Variants in TMEM87B observed in about 807,000 individuals in gnomAD.
TMEM87B encodes transmembrane protein 87B.
A neutral mutation model predicts 80.3 loss-of-function variants in TMEM87B; 83 were observed. The ratio of observed to expected loss-of-function variants is 1.03; its 90% confidence interval spans 0.87 to 1.24. The LOEUF is 1.24. Among genes scored for constraint, TMEM87B ranks in the 50% most tolerant of loss-of-function variants. The pLI is 0.00. For synonymous variants in TMEM87B, 219 were observed against 230.5 expected (o/e 0.95, Z 0.45); for missense variants, 625 against 674.4 (o/e 0.93, Z 0.81).
chr2:112,070,713 A>C (rs559329457), intron 4 of TMEM87B, among the ~76,000 whole-genome samples: 1 of 152,310 alleles, frequency 6.6e-6, no homozygotes, highest in African/African-American at 2.4e-5. Context: ...TTTGTGAAGA[A>C]TGTCATTGGT....
At chr2:112,090,370 CATTGGTTG>C (rs1471024274) in intron 10 of TMEM87B, among the ~76,000 whole-genome samples, 5 of 144,630 alleles carry the variant, frequency 3.5e-5, no homozygotes, top group African/African-American at 7.9e-5. Flanking sequence ...TTGGTTGTCT[CATTGGTTG>C]ATTGGTTGGT....
At chr2:112,089,601 T>C (rs542137327) in intron 9 of TMEM87B, 24 bp from the exon 10 acceptor site, 6 of 1,611,916 alleles carry the variant, frequency 3.7e-6, no homozygotes, top group Non-Finnish European at 5.1e-6. Context: ...TTCTTCTTTC[T>C]CTGTTTCCTC....
rs191338022 is a variant in TMEM87B, at chr2:112,119,212, G to T, written c.*3069G>T. 169 of 152,246 alleles carry T rather than the reference G, an allele frequency of 1.1e-3. 2 individuals are homozygous for T. Among genetic ancestry groups the T allele is most frequent in the African/African-American group, 3.4e-3 (143 of 41,568 alleles). The allele number at this position is 152,246 out of a possible 1,614,324, so 9.4% of individuals were successfully genotyped here. A position where few individuals can be genotyped will look rare whatever the true frequency, so the allele number is the denominator to read the frequency against. On this transcript the variant is annotated 3_prime_UTR_variant, in exon 19 of 19. Transcript: ENST00000283206. The stretch of plus-strand genomic sequence containing the variant: ...TATTCCGTAATTTGGAAGAAGTTTC[G>T]TTGAATGTAGGACATAACCGTTTGA...
At chr2:112,071,599 G>A (rs767791327) in intron 4 of TMEM87B, among the ~76,000 whole-genome samples, 6 of 152,070 alleles carry the variant, frequency 3.9e-5, no homozygotes, top group Non-Finnish European at 5.9e-5. Flanking sequence ...GAGCCACCAC[G>A]CCCAGCCGCT....
chr2:112,084,012 C>G (rs1482677864), intron 8 of TMEM87B, among the ~76,000 whole-genome samples: 1 of 151,976 alleles, frequency 6.6e-6, no homozygotes, highest in African/African-American at 2.4e-5. Flanking sequence ...GCAAAAATAC[C>G]AATGGAAAAG....
At chr2:112,111,788 T>C (rs935085950) in intron 17 of TMEM87B, among the ~76,000 whole-genome samples, 2 of 152,234 alleles carry the variant, frequency 1.3e-5, no homozygotes, top group African/African-American at 4.8e-5. Context: ...TGGTATGATA[T>C]TCACTGTGAA....
In TMEM87B at chr2:112,098,661, A is replaced by T; in HGVS notation, c.1339A>T (p.Ile447Phe). ...CCTTTTTTCGCTTATCCTTATTGTA[A>T]TCATGTTTTTGTGGAGACCATCAGC... ...SFLFSLILIV[I>F]MFLWRPSANN... is the part of the protein sequence containing the mutation. The change falls in exon 14 of 19, where the codon ATC becomes TTC. Residue 447 changes from isoleucine (I) to phenylalanine (F), a missense_variant. Coordinates refer to ENST00000283206, the MANE Select transcript of TMEM87B (RefSeq NM_032824.3). 1 of 1,614,142 alleles carries T rather than the reference A, an allele frequency of 6.2e-7. No homozygotes were observed. The highest frequency in any genetic ancestry group is 8.5e-7 in the Non-Finnish European group (1 of 1,180,024).
chr2:112,100,771 A>G, intron 15 of TMEM87B, 76 bp downstream of exon 15: 2 of 889,100 alleles, frequency 2.2e-6, no homozygotes, highest in East Asian at 2.6e-5. Flanking sequence ...CCCGTGATGC[A>G]AGGTCACATA....
rs777628867 is a variant in TMEM87B, at chr2:112,089,673, A to G, written c.987A>G (p.Leu329=). 12 of 1,614,026 alleles carry G rather than the reference A, an allele frequency of 7.4e-6. No homozygotes were observed. The highest frequency in any genetic ancestry group is 1.6e-4 in the Middle Eastern group (1 of 6,084). The change falls in exon 10 of 19, where the codon CTA becomes CTG. Residue 329 remains leucine, a synonymous_variant. Transcript: ENST00000283206. ...ACCGGGTGATCGGACTGGGGCTTCT[A>G]TACTTAATCTTTGCAGCTGTTGAAG... ...VMHRVIGLGL[L]YLIFAAVEGV...
In TMEM87B at chr2:112,088,962, C is replaced by T. The variant is rs139879467; in HGVS notation, c.939-663C>T. ...TTTTGGTAGAGACCGGGTTTCACCACGTTGGCCAGTTTGGTCTCGAACTCC... is the reference window on the plus strand; with the variant it reads ...TTTTGGTAGAGACCGGGTTTCACCATGTTGGCCAGTTTGGTCTCGAACTCC... On this transcript the variant is annotated intron_variant, in intron 9 of 18. Coordinates refer to ENST00000283206, the MANE Select transcript of TMEM87B (RefSeq NM_032824.3). 8.5e-5 allele frequency among the ~76,000 whole-genome samples: 13 copies of T among 152,216 alleles called. No homozygotes were observed. In the East Asian group the frequency reaches 1.9e-3, roughly 23 times the overall value.
intron 15 of TMEM87B, among the ~76,000 whole-genome samples, chr2:112,101,998 T>A (rs905047735): frequency 5.3e-5 from 8 of 152,096 alleles, no homozygotes; most frequent in African/African-American, 1.4e-4. Context: ...ATTAGAAATT[T>A]AAAAAAAATT....
chr2:112,112,749 T>A (rs1679952502), intron 17 of TMEM87B, 150 bp from the exon 18 acceptor site: 1 of 701,844 alleles, frequency 1.4e-6, no homozygotes, highest in Non-Finnish European at 2.5e-6. Flanking sequence ...CCTGCATGTC[T>A]GTCTGCGAGC....
At chr2:112,112,133 T>C (rs1679935924) in intron 17 of TMEM87B, among the ~76,000 whole-genome samples, 1 of 152,228 alleles carries the variant, frequency 6.6e-6, no homozygotes, top group Non-Finnish European at 1.5e-5. Flanking sequence ...TCTGGCGTTG[T>C]GCGTGGCTCT....
intron 1 of TMEM87B, among the ~76,000 whole-genome samples, chr2:112,057,808 A>T (rs904760641): frequency 1.3e-5 from 2 of 149,572 alleles, no homozygotes; most frequent in Non-Finnish European, 3.0e-5. Flanking sequence ...TGCTTCCTGG[A>T]GGAGAGACCT....
At chr2:112,065,808 G>C (rs143295969) in intron 3 of TMEM87B, among the ~76,000 whole-genome samples, 1 of 152,140 alleles carries the variant, frequency 6.6e-6, no homozygotes, top group Non-Finnish European at 1.5e-5. Flanking sequence ...CTGATAATCT[G>C]GATTTCCCCC....
At chr2:112,071,649 C>T (rs750616411) in intron 4 of TMEM87B, among the ~76,000 whole-genome samples, 3 of 152,150 alleles carry the variant, frequency 2.0e-5, no homozygotes, top group Non-Finnish European at 2.9e-5. Flanking sequence ...CAAAACTTTG[C>T]TGAAGTTGCT....
At chr2:112,089,342 T>G (rs746136653) in intron 9 of TMEM87B, among the ~76,000 whole-genome samples, 3 of 152,250 alleles carry the variant, frequency 2.0e-5, no homozygotes, top group Non-Finnish European at 4.4e-5. Context: ...AGTACCTGAA[T>G]TATATTCATT....
At chr2:112,093,556 T>G (rs1292728314) in intron 11 of TMEM87B, among the ~76,000 whole-genome samples, 1 of 152,186 alleles carries the variant, frequency 6.6e-6, no homozygotes, top group Non-Finnish European at 1.5e-5. Context: ...TGAACTTGTT[T>G]AAAAAAGCAT....
rs763345724 is a variant in TMEM87B, at chr2:112,112,942, T to C, written c.1608+13T>C. The C allele has an allele frequency of 4.3e-6, 7 of 1,610,758 alleles. No individual in the cohort carries two copies. The East Asian group carries it at 1.6e-4, about 36-fold the overall frequency. On this transcript the variant is annotated intron_variant, in intron 18 of 18. Coordinates refer to ENST00000283206, the MANE Select transcript of TMEM87B (RefSeq NM_032824.3). ...GGATTCAGATGAGGTAAAATATATT[T>C]TTGCATATTTCCTTGGAGCTGATAT...
Sources: allele counts gnomAD v4.1 joint callset (sites outside exome capture counted in the v4.1 genomes callset), GRCh38; gene constraint gnomAD v4.1.1; transcripts MANE v1.5; gene names NCBI Gene and HGNC (gene_info 2026-07-23, HGNC 2026-07-21).